NDUFB1: variants seen among roughly 807,000 people sequenced by gnomAD.
The protein encoded by NDUFB1 is NADH dehydrogenase [ubiquinone] 1 beta subcomplex subunit 1.
Under a neutral mutation model 6.7 loss-of-function variants are expected in NDUFB1, and 6 were observed. The ratio of observed to expected loss-of-function variants is 0.89; its 90% CI spans 0.49 to 1.76. The LOEUF is 1.76. NDUFB1 is among the 40% of genes most tolerant of loss of function. The pLI, the probability that NDUFB1 is intolerant of heterozygous loss-of-function variation, is 0.01. For missense variants in NDUFB1, 56 were observed against 71.0 expected (o/e 0.79, Z 0.76); for synonymous variants, 17 against 22.9 (o/e 0.74, Z 0.74).
intron 1 of NDUFB1, chr14:92,120,349 C>CT (rs768894951): frequency 0.1 from 14,550 of 143,122 alleles, 831 homozygotes; most frequent in African/African-American, 0.15. Context: ...TTTTTCTTTC[C>CT]TTTTTTTTTT....
In NDUFB1 at chr14:92,121,188, G is replaced by C. The variant is rs2068758915; in HGVS notation, c.-6+454C>G. The C allele has an allele frequency of 2.8e-5, 6 of 212,936 alleles. 1 individual carries two copies. In the South Asian group the frequency reaches 3.4e-4, roughly 12 times the overall value. 13.2% of individuals were successfully genotyped at this position (212,936 alleles called of 1,614,324 possible). A position where few individuals can be genotyped will look rare whatever the true frequency, so the allele number is the denominator to read the frequency against. On this transcript the variant is annotated intron_variant, in intron 1 of 2. Transcript: ENST00000605997. ...AAAAATAAAAAAGCAAAGTAAAAGGGTAAGCACATCATTTAGGCGCAACGG... is the reference window on the plus strand; with the variant it reads ...AAAAATAAAAAAGCAAAGTAAAAGGCTAAGCACATCATTTAGGCGCAACGG...
At chr14:92,121,448 G>C in intron 1 of NDUFB1, 194 bp downstream of exon 1, 1 of 827,202 alleles carries the variant, frequency 1.2e-6, no homozygotes, top group Non-Finnish European at 1.8e-6. Context: ...CTTTCCAAAA[G>C]CTCCGGCCCG....
At chr14:92,116,334 T>TTA in intron 2 of NDUFB1, 105 bp from the exon 3 acceptor site, 1 of 700,988 alleles carries the variant, frequency 1.4e-6, no homozygotes. Flanking sequence ...TCATTTTCTT[T>TTA]TTTTTTTTTT....
At chr14:92,117,670 A>G (rs1265387858) in intron 1 of NDUFB1, 28 bp from the exon 2 acceptor site, 1 of 1,573,302 alleles carries the variant, frequency 6.4e-7, no homozygotes, top group East Asian at 2.4e-5. Flanking sequence ...TATCAGAAAT[A>G]CAACTGCTTT....
chr14:92,121,620 C>G (rs748199235), intron 1 of NDUFB1, 22 bp downstream of exon 1: 10 of 1,612,142 alleles, frequency 6.2e-6, no homozygotes, highest in Non-Finnish European at 8.5e-6. Flanking sequence ...TCGCGGCGGC[C>G]CCCCGGGCTC....
intron 1 of NDUFB1, among the ~76,000 whole-genome samples, chr14:92,120,130 T>C (rs946817946): frequency 6.6e-6 from 1 of 152,186 alleles, no homozygotes; most frequent in African/African-American, 2.4e-5. Flanking sequence ...CTGTAAAAAT[T>C]CGTGCATACA....
At chr14:92,121,166 A>G (rs1321001965) in intron 1 of NDUFB1, 1 of 169,998 alleles carries the variant, frequency 5.9e-6, no homozygotes, top group East Asian at 1.7e-4. Flanking sequence ...CTGTCTCAAA[A>G]ATAAAAAAGC....
rs761290668 is a variant in NDUFB1, at chr14:92,116,143, T to C, written c.*50A>G. 6.6e-7 allele frequency: 1 copy of C among 1,521,478 alleles called. No individual in the cohort carries two copies. The highest frequency in any genetic ancestry group is 2.3e-5 in the East Asian group (1 of 44,376). 94.2% of individuals were successfully genotyped at this position (1,521,478 alleles called of 1,614,324 possible). On this transcript the variant is annotated 3_prime_UTR_variant, in exon 3 of 3. Coordinates refer to ENST00000605997, the MANE Select transcript of NDUFB1 (RefSeq NM_004545.4). The stretch of plus-strand genomic sequence containing the variant: ...AGACATTTCAGATTCTTCATGTTTT[T>C]ATTTCTCTCAGAACTTTAAAATGTG...
At position 92,117,738 on chromosome 14, in the gene NDUFB1, C is replaced by T. The variant is rs1049045479; in HGVS notation, c.-5-96G>A. ...CTGGGCCAGGTGCGGTGGTTCATGCCTGTAATCCTAGCACTTTGGGATGCT... is the reference window on the plus strand; with the variant it reads ...CTGGGCCAGGTGCGGTGGTTCATGCTTGTAATCCTAGCACTTTGGGATGCT... On this transcript the variant is annotated intron_variant, in intron 1 of 2. Transcript: ENST00000605997. 3.0e-5 allele frequency: 37 copies of T among 1,240,370 alleles called. No homozygotes were observed. In the African/African-American group the frequency reaches 5.0e-4, roughly 17 times the overall value. 76.8% of individuals were successfully genotyped at this position (1,240,370 alleles called of 1,614,324 possible).
At chr14:92,121,508 C>T (rs2068763340) in intron 1 of NDUFB1, 134 bp downstream of exon 1, 1 of 1,341,824 alleles carries the variant, frequency 7.5e-7, no homozygotes, top group Non-Finnish European at 1.0e-6. Context: ...TTCCCGTCAC[C>T]TTCGTTCGGA....
chr14:92,121,268 G>C (rs1208452775), intron 1 of NDUFB1: 1 of 343,384 alleles, frequency 2.9e-6, no homozygotes, highest in Non-Finnish European at 5.4e-6. Context: ...CGAGAAGACA[G>C]AAGGCTGGAA....
At chr14:92,119,928 A>C (rs1406937815) in intron 1 of NDUFB1, among the ~76,000 whole-genome samples, 1 of 152,058 alleles carries the variant, frequency 6.6e-6, no homozygotes, top group African/African-American at 2.4e-5. Flanking sequence ...AAAATTCTTT[A>C]AACATTTTTT....
At chr14:92,116,338 T>TC (rs1449599777) in intron 2 of NDUFB1, 109 bp from the exon 3 acceptor site, 1 of 941,952 alleles carries the variant, frequency 1.1e-6, no homozygotes, top group Non-Finnish European at 1.5e-6. Flanking sequence ...TTTCTTTTTT[T>TC]TTTTTTTTTT....
intron 1 of NDUFB1, chr14:92,120,422 C>T (rs2068748287): frequency 6.7e-6 from 1 of 150,274 alleles, no homozygotes; most frequent in Non-Finnish European, 1.5e-5. Context: ...GCAATCTTGG[C>T]TCACAGCAAC....
chr14:92,121,547 C>CT, intron 1 of NDUFB1, 95 bp downstream of exon 1: 1 of 1,567,686 alleles, frequency 6.4e-7, no homozygotes, highest in South Asian at 1.1e-5. Context: ...ACCACCCCTC[C>CT]ACACATGCAC....
chr14:92,117,477 T>C (rs528106551), intron 2 of NDUFB1, 21 bp downstream of exon 2: 2 of 1,611,820 alleles, frequency 1.2e-6, no homozygotes, highest in Non-Finnish European at 1.7e-6. Flanking sequence ...CAATTGCTGG[T>C]TTAAAAAAAT....
At position 92,116,185 on chromosome 14, in the gene NDUFB1, G is replaced by T. The variant is rs756083341; in HGVS notation, c.*8C>A. 1.9e-6 allele frequency: 3 copies of T among 1,609,852 alleles called. No homozygotes were observed. In the South Asian group the frequency reaches 3.3e-5, roughly 18 times the overall value. On this transcript the variant is annotated 3_prime_UTR_variant, in exon 3 of 3. Coordinates refer to ENST00000605997, the MANE Select transcript of NDUFB1 (RefSeq NM_004545.4). ...TAAAATGTGAACATTCGATAATCTA[G>T]CCAGTCTTTACTTCCAGGTAACTTC... is the stretch of plus-strand genomic sequence containing the variant.
intron 1 of NDUFB1, chr14:92,118,980 A>G (rs530620056): frequency 1.7e-5 from 6 of 360,014 alleles, no homozygotes; most frequent in Admixed American, 1.5e-4. Context: ...TCTCAGAAAA[A>G]AAAGAAAGAA....
In NDUFB1 at chr14:92,121,546, C is replaced by T. The variant is rs28365935; in HGVS notation, c.-6+96G>A. 2.4e-4 allele frequency: 380 copies of T among 1,567,524 alleles called. 3 individuals carry two copies. In the East Asian group the frequency reaches 8.2e-3, roughly 34 times the overall value. On this transcript the variant is annotated intron_variant, in intron 1 of 2. Transcript: ENST00000605997. ...CCCCGGGGAAGCCCAGACCACCCCTCCACACATGCACAGCACCGAGGGCTT... is the reference window on the plus strand; with the variant it reads ...CCCCGGGGAAGCCCAGACCACCCCTTCACACATGCACAGCACCGAGGGCTT...
Sources: gnomAD v4.1 joint callset for allele counts (sites outside exome capture counted in the v4.1 genomes callset) on GRCh38, gnomAD v4.1.1 for gene constraint, MANE v1.5 for transcripts, NCBI Gene and HGNC (gene_info 2026-07-23, HGNC 2026-07-21) for gene names.